The following CACNA1B variants were observed in gnomAD, a reference collection of about 807,000 sequenced individuals.
The protein encoded by CACNA1B is voltage-dependent N-type calcium channel subunit alpha-1B.
CACNA1B carries 70 observed loss-of-function variants against 247.2 expected under a neutral mutation model. That is an observed-to-expected ratio of 0.28 (90% CI 0.23 to 0.35). The LOEUF is 0.35. Ranked by LOEUF, CACNA1B falls within the 10% of genes least tolerant of loss-of-function variation. The pLI, the probability that CACNA1B is intolerant of heterozygous loss-of-function variation, is 1.00. For missense variants in CACNA1B, 2,367 were observed against 3,197.4 expected, an observed-to-expected ratio of 0.74 and a Z score of 6.26; for synonymous variants, 1,231 against 1,294.4, an observed-to-expected ratio of 0.95 and a Z score of 1.05.
chr9:138,080,952 C>G (rs921838963), intron 36 of CACNA1B, among the ~76,000 whole-genome samples: 18 of 152,162 alleles, frequency 1.2e-4, no homozygotes, highest in African/African-American at 4.3e-4. Context: ...TCACTACTTG[C>G]TAGAAACCAA....
In CACNA1B at chr9:138,058,774, G is replaced by A. The variant is rs1318321996; in HGVS notation, c.4473+41G>A. On this transcript the variant is annotated intron_variant, in intron 29 of 46. Transcript: ENST00000371372. This position sits in a 1 kb window ranked among gnomAD's most constrained non-coding sequence, Gnocchi z 4.7. ...CGCAGAGGGGCAGCTGGCGCTGCTA[G>A]GGATTGGGATCTAACCCTGAGGCTG... The A allele has an allele frequency of 6.4e-7, 1 of 1,550,944 alleles. No homozygotes were observed. Among genetic ancestry groups the A allele is most frequent in the African/African-American group, 1.4e-5 (1 of 73,378 alleles).
rs1046327681 is a variant in CACNA1B at position 137,986,571 on chromosome 9, A to G, written c.1901+27A>G. 1.2e-6 allele frequency: 2 copies of G among 1,612,972 alleles called. No homozygotes were observed. Among genetic ancestry groups the G allele is most frequent in the African/African-American group, 2.7e-5 (2 of 74,912 alleles). On this transcript the variant is annotated intron_variant, in intron 14 of 46. Coordinates refer to ENST00000371372, the MANE Select transcript of CACNA1B (RefSeq NM_000718.4). The surrounding 1 kb of genome is among the most constrained non-coding windows in gnomAD (Gnocchi z 6.0). ...TAAGTGGGCCCGGGAGGGAGAGCTC[A>G]AGGCTGGGGGCTTGCAGGGAAGCAG... is the stretch of plus-strand genomic sequence containing the variant.
intron 31 of CACNA1B, among the ~76,000 whole-genome samples, chr9:138,061,886 T>C (rs6559263): frequency 0.15 from 23,561 of 152,198 alleles, 5,154 homozygotes; most frequent in African/African-American, 0.49. Context: ...CGGTAGATAA[T>C]CGTCAGTGGT....
chr9:137,966,813 C>G (rs2133358787), intron 10 of CACNA1B, among the ~76,000 whole-genome samples: 1 of 152,312 alleles, frequency 6.6e-6, no homozygotes, highest in East Asian at 1.9e-4. Context: ...GCTGGGATTA[C>G]AGGCGTGAGC....
At chr9:138,082,152 CAAAATT>C (rs1443021792) in intron 36 of CACNA1B, among the ~76,000 whole-genome samples, 1 of 151,062 alleles carries the variant, frequency 6.6e-6, no homozygotes, top group Non-Finnish European at 1.5e-5. Flanking sequence ...TTTGTCTACT[CAAAATT>C]AAAAACTTTT....
At chr9:137,912,233 T>C (rs1449144137) in intron 3 of CACNA1B, among the ~76,000 whole-genome samples, 1 of 152,208 alleles carries the variant, frequency 6.6e-6, no homozygotes, top group Non-Finnish European at 1.5e-5. Context: ...ATTGGGTAGC[T>C]CCTACATGGA....
At chr9:138,083,527 C>T (rs1316557676) in intron 36 of CACNA1B, among the ~76,000 whole-genome samples, 1 of 150,844 alleles carries the variant, frequency 6.6e-6, no homozygotes, top group Non-Finnish European at 1.5e-5. Flanking sequence ...CCACCCAGAG[C>T]AGTCACATCC....
chr9:138,116,452 G>A lies in CACNA1B; in HGVS notation c.5777+773G>A, dbSNP rs148011091. ...ACCCAGATCCTGGGGGCTGACTCCC[G>A]AGCCGCTGGCAGCCCCCCATTCCCA... On this transcript the variant is annotated intron_variant, in intron 42 of 46. Coordinates refer to ENST00000371372, the MANE Select transcript of CACNA1B (RefSeq NM_000718.4). 3.0e-4 allele frequency among the ~76,000 whole-genome samples: 46 copies of A among 152,226 alleles called. No homozygotes were observed. In the East Asian group the frequency reaches 8.5e-3, roughly 28 times the overall value.
Position 138,096,606 on chromosome 9 carries a change from T to C in CACNA1B, c.5217T>C (p.Ala1739=). 2 of 1,612,052 alleles carry C rather than the reference T, an allele frequency of 1.2e-6. No homozygotes were observed. Among genetic ancestry groups the C allele is most frequent in the Non-Finnish European group, 1.7e-6 (2 of 1,178,958 alleles). ...GGGTCTGGGCTGAATACGACCCGGC[T>C]GCGTGGTAAGTGAGCCGTGGTGCTC... is the stretch of plus-strand genomic sequence containing the variant. ...FIRVWAEYDP[A]ACGRISYNDM... Residue 1739 remains alanine, a synonymous_variant, in exon 37 of 47, where the codon GCT becomes GCC. Coordinates refer to ENST00000371372, the MANE Select transcript of CACNA1B (RefSeq NM_000718.4).
At chr9:137,944,025 T>C (rs1444852903) in intron 6 of CACNA1B, among the ~76,000 whole-genome samples, 1 of 152,256 alleles carries the variant, frequency 6.6e-6, no homozygotes, top group Non-Finnish European at 1.5e-5. Context: ...CTAACAAATC[T>C]TGTATCCTCT....
chr9:137,897,037 C>T (rs1158226583), intron 3 of CACNA1B, among the ~76,000 whole-genome samples: 5 of 152,114 alleles, frequency 3.3e-5, no homozygotes, highest in South Asian at 2.1e-4. Flanking sequence ...TTTTTCTTTC[C>T]GGTCAGTCTT....
intron 3 of CACNA1B, among the ~76,000 whole-genome samples, chr9:137,897,039 G>C (rs1178355995): frequency 6.6e-6 from 1 of 151,930 alleles, no homozygotes; most frequent in African/African-American, 2.4e-5. Flanking sequence ...TTTCTTTCCG[G>C]TCAGTCTTGC....
intron 36 of CACNA1B, among the ~76,000 whole-genome samples, chr9:138,094,457 A>AAAAAAAAAAAAAAAAAG (rs752912258): frequency 7.4e-6 from 1 of 134,834 alleles, no homozygotes; most frequent in African/African-American, 2.7e-5. Flanking sequence ...AAAAAAAAAA[A>AAAAAAAAAAAAAAAAAG]AAGAAGAAGA....
intron 15 of CACNA1B, among the ~76,000 whole-genome samples, chr9:138,004,357 G>C (rs955168185): frequency 1.3e-5 from 2 of 151,974 alleles, no homozygotes; most frequent in African/African-American, 4.8e-5. Context: ...AGACCAGCCT[G>C]GGCAACATGG....
chr9:137,979,873 T>C (rs1284559188), intron 12 of CACNA1B, among the ~76,000 whole-genome samples: 1 of 152,158 alleles, frequency 6.6e-6, no homozygotes, highest in Admixed American at 6.5e-5. Context: ...AGGATGGGCA[T>C]AGGGTAACTG....
At chr9:138,060,421 A>G (rs1959680683) in intron 31 of CACNA1B, among the ~76,000 whole-genome samples, 1 of 152,170 alleles carries the variant, frequency 6.6e-6, no homozygotes, top group African/African-American at 2.4e-5. Flanking sequence ...GCATGGGGAA[A>G]TGGGTGGGAA....
At chr9:138,110,359 CT>C (rs1261762482) in intron 39 of CACNA1B, among the ~76,000 whole-genome samples, 1 of 152,122 alleles carries the variant, frequency 6.6e-6, no homozygotes, top group Non-Finnish European at 1.5e-5. Flanking sequence ...AAATGATCCA[CT>C]TGCCTTGGCC....
chr9:138,103,751 CCTGAGGAAGACTTTCCTGAGTCTGT>C, intron 38 of CACNA1B, among the ~76,000 whole-genome samples: 1 of 152,370 alleles, frequency 6.6e-6, no homozygotes, highest in South Asian at 2.1e-4. Flanking sequence ...TCTGATCCTC[CCTGAGGAAGACTTTCCTGAGTCTGT>C]CTGAGGAAGC....
At chr9:138,091,187 A>G (rs1026177996) in intron 36 of CACNA1B, among the ~76,000 whole-genome samples, 4 of 152,214 alleles carry the variant, frequency 2.6e-5, no homozygotes, top group African/African-American at 9.6e-5. Context: ...CTTATACACA[A>G]TGGAATACTA....
Sources: gnomAD v4.1 joint callset for allele counts (sites outside exome capture counted in the v4.1 genomes callset) on GRCh38, gnomAD v4.1.1 for gene constraint, Gnocchi (gnomAD v3.1) non-coding constraint, MANE v1.5 for transcripts, NCBI Gene and HGNC (gene_info 2026-07-23, HGNC 2026-07-21) for gene names.